The following CNTN4 variants were observed in gnomAD, a reference collection of about 807,000 sequenced individuals.
CNTN4 encodes contactin-4.
A neutral mutation model predicts 122.5 loss-of-function variants in CNTN4; 77 were observed. That is an observed-to-expected ratio of 0.63 (90% CI 0.52 to 0.76). The LOEUF is 0.76. Ranked by LOEUF, CNTN4 falls within the 30% of genes least tolerant of loss-of-function variation. The pLI is 0.00. For synonymous variants in CNTN4, 512 were observed against 447.0 expected, an observed-to-expected ratio of 1.15 and a Z score of -1.83; for missense variants, 1,256 against 1,259.1, an observed-to-expected ratio of 1.00 and a Z score of 0.04.
At chr3:2,710,221 G>T (rs1459649607) in intron 4 of CNTN4, among the ~76,000 whole-genome samples, 3 of 152,100 alleles carry the variant, frequency 2.0e-5, no homozygotes, top group Non-Finnish European at 2.9e-5. Context: ...AGTTTTGCAG[G>T]CCTCAGAAAA....
chr3:2,660,978 A>G (rs2083862175), intron 4 of CNTN4, among the ~76,000 whole-genome samples: 1 of 152,320 alleles, frequency 6.6e-6, no homozygotes, highest in Non-Finnish European at 1.5e-5. Flanking sequence ...AATCAACAAT[A>G]TTTATTGAAC....
chr3:2,353,118 T>C (rs1014922086), intron 3 of CNTN4, among the ~76,000 whole-genome samples: 2 of 151,966 alleles, frequency 1.3e-5, no homozygotes, highest in Non-Finnish European at 2.9e-5. Context: ...GAGGATTGTA[T>C]ATGTACCAAT....
chr3:3,046,738 A>C (rs1700704766), intron 23 of CNTN4, among the ~76,000 whole-genome samples: 1 of 152,056 alleles, frequency 6.6e-6, no homozygotes, highest in Admixed American at 6.6e-5. Flanking sequence ...CAAAATAACC[A>C]GCTAACATCA....
At chr3:2,929,165 A>C (rs534494989) in intron 13 of CNTN4, among the ~76,000 whole-genome samples, 5 of 152,324 alleles carry the variant, frequency 3.3e-5, no homozygotes, top group African/African-American at 1.2e-4. Flanking sequence ...AGGCAATATC[A>C]GGCATTTAAA....
At chr3:2,744,740 A>G (rs537704546) in intron 5 of CNTN4, among the ~76,000 whole-genome samples, 1 of 152,334 alleles carries the variant, frequency 6.6e-6, no homozygotes, top group Non-Finnish European at 1.5e-5. Context: ...AAAAACAAAA[A>G]CATAGGTCTT....
intron 2 of CNTN4, among the ~76,000 whole-genome samples, chr3:2,202,987 A>G (rs1362796316): frequency 7.5e-6 from 1 of 134,226 alleles, no homozygotes; most frequent in Non-Finnish European, 1.7e-5. Flanking sequence ...AAGCCTGGCT[A>G]ATTATTTTTT....
At chr3:2,128,575 A>G (rs537296273) in intron 2 of CNTN4, among the ~76,000 whole-genome samples, 1 of 152,286 alleles carries the variant, frequency 6.6e-6, no homozygotes, top group Non-Finnish European at 1.5e-5. Context: ...ATCGACACTA[A>G]GACAGATTTT....
At chr3:2,362,738 A>T (rs1283271556) in intron 3 of CNTN4, 17 of 331,034 alleles carry the variant, frequency 5.1e-5, no homozygotes, top group Non-Finnish European at 1.0e-4. Context: ...AGTGGCCTCC[A>T]GCTTTAACCT....
At chr3:2,318,524 C>G (rs1412709273) in intron 2 of CNTN4, among the ~76,000 whole-genome samples, 2 of 152,120 alleles carry the variant, frequency 1.3e-5, no homozygotes, top group Non-Finnish European at 2.9e-5. Flanking sequence ...GTATATTACT[C>G]TCCTCCTAAC....
chr3:2,941,166 A>G (rs76107737), intron 13 of CNTN4, among the ~76,000 whole-genome samples: 4,577 of 152,164 alleles, frequency 0.03, 243 homozygotes, highest in African/African-American at 0.1. Flanking sequence ...CCCTCCTTCA[A>G]TCATTCCTGC....
chr3:2,300,699 G>A (rs2042475862), intron 2 of CNTN4, among the ~76,000 whole-genome samples: 1 of 150,142 alleles, frequency 6.7e-6, no homozygotes, highest in South Asian at 2.1e-4. Context: ...AGCCTCTCGA[G>A]TAGCTGGGAT....
intron 16 of CNTN4, among the ~76,000 whole-genome samples, chr3:3,031,232 A>G (rs1699135959): frequency 1.3e-5 from 2 of 152,308 alleles, no homozygotes; most frequent in East Asian, 3.9e-4. Context: ...GTACCCGATT[A>G]CGGCTGTTGG....
chr3:2,238,745 T>TTTTTTTTTTTTTTTTTTTG (rs1553606665), intron 2 of CNTN4: 1 of 109,124 alleles, frequency 9.2e-6, no homozygotes, highest in African/African-American at 3.6e-5. Flanking sequence ...GTTTTTTTTT[T>TTTTTTTTTTTTTTTTTTTG]GAGACGGAGT....
At chr3:2,408,542 A>G (rs1368783209) in intron 3 of CNTN4, among the ~76,000 whole-genome samples, 1 of 152,232 alleles carries the variant, frequency 6.6e-6, no homozygotes, top group Non-Finnish European at 1.5e-5. Context: ...AGAGATGTAC[A>G]TGAAGAGAAT....
At chr3:2,167,296 A>G (rs1416659530) in intron 2 of CNTN4, among the ~76,000 whole-genome samples, 5 of 152,218 alleles carry the variant, frequency 3.3e-5, no homozygotes, top group African/African-American at 1.2e-4. Context: ...CATGGAATGA[A>G]TGGATGTGGA....
chr3:2,244,070 C>T (rs1169111181), intron 2 of CNTN4, among the ~76,000 whole-genome samples: 1 of 151,950 alleles, frequency 6.6e-6, no homozygotes, highest in Non-Finnish European at 1.5e-5. Context: ...CAAGTAGATG[C>T]CTGCAGATGG....
At chr3:2,784,843 A>G (rs2091746075) in intron 6 of CNTN4, among the ~76,000 whole-genome samples, 1 of 152,214 alleles carries the variant, frequency 6.6e-6, no homozygotes, top group African/African-American at 2.4e-5. Context: ...CATGGCTCAT[A>G]GAAGGTATTC....
chr3:2,314,907 C>T (rs563981870), intron 2 of CNTN4, among the ~76,000 whole-genome samples: 3 of 151,916 alleles, frequency 2.0e-5, no homozygotes, highest in African/African-American at 7.2e-5. Context: ...AATCAATGAA[C>T]TGTTCATTTA....
intron 2 of CNTN4, among the ~76,000 whole-genome samples, chr3:2,313,041 A>C (rs2042970244): frequency 6.6e-6 from 1 of 152,090 alleles, no homozygotes; most frequent in Non-Finnish European, 1.5e-5. Context: ...AAATAAAATG[A>C]AGTAATGTTC....
Sources: allele counts gnomAD v4.1 joint callset (sites outside exome capture counted in the v4.1 genomes callset), GRCh38; gene constraint gnomAD v4.1.1; transcripts MANE v1.5; gene names NCBI Gene and HGNC (gene_info 2026-07-23, HGNC 2026-07-21).